Variants in RELCH observed in about 807,000 individuals in gnomAD.
RELCH encodes the protein RAB11 binding and LisH domain, coiled-coil and HEAT repeat containing, also known as RAB11-binding protein RELCH.
RELCH carries 41 observed loss-of-function variants against 150.3 expected under a neutral mutation model. The observed-to-expected ratio is 0.27, with a 90% CI of 0.21 to 0.35. RELCH has a LOEUF of 0.35. RELCH is among the 10% of genes least tolerant of loss of function. RELCH has a pLI of 1.00. For synonymous variants in RELCH, 478 were observed against 531.8 expected (o/e 0.90, Z 1.39); for missense variants, 1,092 against 1,467.8 (o/e 0.74, Z 4.18).
At chr18:62,255,581 C>A in intron 13 of RELCH, 103 bp downstream of exon 13, 1 of 801,828 alleles carries the variant, frequency 1.2e-6, no homozygotes, top group Non-Finnish European at 2.0e-6. Flanking sequence ...CCTAGATGTG[C>A]TGTCTTAATA....
Position 62,268,950 on chromosome 18 carries a change from T to G in RELCH, c.2760+2T>G. ...GGAGTCCTTACGTGTTATATTCAGG[T>G]AAGGGAAAAATTCTTACTCTCTAGT... On this transcript the variant is annotated splice_donor_variant, in intron 20 of 28. Coordinates refer to ENST00000644646, the MANE Select transcript of RELCH (RefSeq NM_001346231.2). LOFTEE classifies it high-confidence loss of function. 6.7e-7 allele frequency: 1 copy of G among 1,492,292 alleles called. No homozygotes were observed. Among genetic ancestry groups the G allele is most frequent in the Non-Finnish European group, 9.0e-7 (1 of 1,106,080 alleles). 92.4% of individuals were successfully genotyped at this position (1,492,292 alleles called of 1,614,324 possible).
chr18:62,200,817 A>C (rs1037976058), intron 1 of RELCH, among the ~76,000 whole-genome samples: 1 of 151,966 alleles, frequency 6.6e-6, no homozygotes, highest in African/African-American at 2.4e-5. Context: ...TTTCATTAGT[A>C]TTGAATGAAT....
At chr18:62,193,916 AT>A (rs1332728601) in intron 1 of RELCH, among the ~76,000 whole-genome samples, 4 of 152,150 alleles carry the variant, frequency 2.6e-5, no homozygotes, top group African/African-American at 9.6e-5. Context: ...TTTTGCAAAT[AT>A]TTTCTTCCAG....
rs955940062 is a variant in RELCH at position 62,280,800 on chromosome 18, C to T, written c.3114+91C>T. ...TGGTAGGCTGCAGGGAGCATCTTAC[C>T]TTTTATTTTGTGCCCTAGTTAGTTA... On this transcript the variant is annotated intron_variant, in intron 24 of 28. Transcript: ENST00000644646. 6 of 866,718 alleles carry T rather than the reference C, an allele frequency of 6.9e-6. No homozygotes were observed. In the East Asian group the frequency reaches 1.5e-4, roughly 22 times the overall value. 53.7% of individuals were successfully genotyped at this position (866,718 alleles called of 1,614,324 possible).
intron 1 of RELCH, among the ~76,000 whole-genome samples, chr18:62,206,329 T>C (rs1668692902): frequency 6.6e-6 from 1 of 152,218 alleles, no homozygotes; most frequent in African/African-American, 2.4e-5. Context: ...ATTAAATGTT[T>C]CTCCAGATAG....
intron 1 of RELCH, among the ~76,000 whole-genome samples, chr18:62,204,299 T>C (rs1194764665): frequency 2.0e-5 from 3 of 152,176 alleles, no homozygotes; most frequent in Non-Finnish European, 4.4e-5. Flanking sequence ...TTTTAGGTAT[T>C]GCATAGTAAT....
intron 27 of RELCH, among the ~76,000 whole-genome samples, chr18:62,296,851 A>G (rs2045434036): frequency 6.6e-6 from 1 of 152,224 alleles, no homozygotes; most frequent in Admixed American, 6.5e-5. Flanking sequence ...CCAACCATGC[A>G]TTCCTGGGAT....
chr18:62,189,057 G>A lies in RELCH; in HGVS notation c.526+1026G>A, dbSNP rs140385331. On this transcript the variant is annotated intron_variant, in intron 1 of 28. Transcript: ENST00000644646. ...CAAACGTAGACGTGGTGGAAGCTTA[G>A]GGAGTGCATTTTCTATCAAGGTGAA... Among the ~76,000 whole-genome samples, 25 of 152,210 alleles carry A rather than the reference G, an allele frequency of 1.6e-4. 1 individual carries two copies. The highest frequency in any genetic ancestry group is 3.6e-4 in the African/African-American group (15 of 41,536).
chr18:62,217,827 A>C (rs755522657), intron 2 of RELCH, among the ~76,000 whole-genome samples: 12 of 151,976 alleles, frequency 7.9e-5, no homozygotes, highest in Non-Finnish European at 1.5e-4. Flanking sequence ...CTCAAGCAGA[A>C]AGAACAATAG....
intron 2 of RELCH, among the ~76,000 whole-genome samples, chr18:62,211,703 T>C (rs1294388118): frequency 6.6e-6 from 1 of 152,106 alleles, no homozygotes; most frequent in Non-Finnish European, 1.5e-5. Flanking sequence ...GTGGGAGGAT[T>C]GCTTGAGGCC....
intron 1 of RELCH, among the ~76,000 whole-genome samples, chr18:62,203,891 A>G (rs2039611669): frequency 6.6e-6 from 1 of 152,170 alleles, no homozygotes; most frequent in South Asian, 2.1e-4. Context: ...AGGCGGGAAG[A>G]TCACATGAGC....
chr18:62,255,542 G>A, intron 13 of RELCH, 64 bp downstream of exon 13: 1 of 1,136,464 alleles, frequency 8.8e-7, no homozygotes, highest in Non-Finnish European at 1.3e-6. Context: ...CTTTTTTTGA[G>A]TGTCTTATAG....
chr18:62,308,174 AG>A lies in RELCH; in HGVS notation c.*2642del, dbSNP rs1410360504. 1.3e-5 allele frequency: 2 copies of A among 152,148 alleles called. No homozygotes were observed. The highest frequency in any genetic ancestry group is 4.8e-5 in the African/African-American group (2 of 41,432). The allele number at this position is 152,148 out of a possible 1,614,324, so 9.4% of individuals were successfully genotyped here. On this transcript the variant is annotated 3_prime_UTR_variant, in exon 29 of 29. Coordinates refer to ENST00000644646, the MANE Select transcript of RELCH (RefSeq NM_001346231.2). The stretch of plus-strand genomic sequence containing the variant: ...AAATAGTCTCTCTTAAAATTTAGAG[AG>A]GTGAGATCAGGATGTATTGAATTGT...
chr18:62,210,821 T>C (rs759608418), intron 1 of RELCH, among the ~76,000 whole-genome samples: 2 of 152,194 alleles, frequency 1.3e-5, no homozygotes, highest in African/African-American at 2.4e-5. Context: ...TTCTGTTCTT[T>C]CAGTAGGCAC....
In RELCH at chr18:62,238,607, T is replaced by C. The variant is rs143787429; in HGVS notation, c.1621-6157T>C. On this transcript the variant is annotated intron_variant, in intron 10 of 28. Transcript: ENST00000644646. Reference sequence around the variant, plus strand: ...TTCATTCTGTGCCAAGGAAATATGTTCTATCAGCTAGCTAAGTTGGAATAT... The same window carrying C: ...TTCATTCTGTGCCAAGGAAATATGTCCTATCAGCTAGCTAAGTTGGAATAT... 1.5e-4 allele frequency among the ~76,000 whole-genome samples: 23 copies of C among 152,162 alleles called. 1 individual carries two copies. The highest frequency in any genetic ancestry group is 4.8e-4 in the African/African-American group (20 of 41,554).
chr18:62,276,901 T>A (rs1362265972), intron 22 of RELCH, among the ~76,000 whole-genome samples: 1 of 152,086 alleles, frequency 6.6e-6, no homozygotes, highest in African/African-American at 2.4e-5. Context: ...GTTTTGATTA[T>A]TCGATATGCT....
chr18:62,253,697 A>G (rs1463619570), intron 12 of RELCH, among the ~76,000 whole-genome samples: 2 of 152,172 alleles, frequency 1.3e-5, no homozygotes, highest in African/African-American at 2.4e-5. Context: ...CCACCAAAAT[A>G]AAGTAGAAAC....
At chr18:62,205,809 G>A (rs1381643170) in intron 1 of RELCH, among the ~76,000 whole-genome samples, 6 of 152,146 alleles carry the variant, frequency 3.9e-5, no homozygotes, top group South Asian at 2.1e-4. Flanking sequence ...AGGATTGCTC[G>A]AACCCAGGAG....
intron 2 of RELCH, 135 bp downstream of exon 2, chr18:62,211,377 T>G: frequency 2.0e-6 from 1 of 505,288 alleles, no homozygotes; most frequent in Non-Finnish European, 3.4e-6. Context: ...GTTATGTTAC[T>G]AATTACTAAT....
Sources: allele counts gnomAD v4.1 joint callset (sites outside exome capture counted in the v4.1 genomes callset), GRCh38; gene constraint gnomAD v4.1.1; transcripts MANE v1.5; gene names NCBI Gene and HGNC (gene_info 2026-07-23, HGNC 2026-07-21).